PRR30: variants seen among roughly 807,000 people sequenced by gnomAD.
The protein encoded by PRR30 is proline rich 30.
For missense variants in PRR30, 546 were observed against 525.3 expected, an observed-to-expected ratio of 1.04 and a Z score of -0.39; for synonymous variants, 229 against 222.7, an observed-to-expected ratio of 1.03 and a Z score of -0.25.
At position 27,138,147 on chromosome 2, in the gene PRR30, G is replaced by C; in HGVS notation, c.183C>G (p.Ser61=). The C allele has an allele frequency of 6.2e-7, 1 of 1,613,992 alleles. No homozygotes were observed. Among genetic ancestry groups the C allele is most frequent in the Non-Finnish European group, 8.5e-7 (1 of 1,179,988 alleles). ...CAGGAGAGGGGGATGCTGGTGGAGG[G>C]GAGGAGGGACGACGGGACTGAGTGG... ...FSSTQSRRPS[S]PPPASPSPGF... The change falls in exon 3 of 3, where the codon TCC becomes TCG. Residue 61 remains serine, a synonymous_variant. Transcript: ENST00000335524.
Position 27,138,263 on chromosome 2 carries a change from C to A in PRR30, c.67G>T (p.Gly23Cys). Reference protein sequence around the residue: ...TSVLPGRPTWGFSQLVDSSPH... With the variant: ...TSVLPGRPTWCFSQLVDSSPH... ...GAGGAGTCCACAAGTTGTGAGAAGC[C>A]CCAAGTGGGGCGCCCAGGGAGCACT... The change falls in exon 3 of 3, where the codon GGC becomes TGC. Residue 23 changes from glycine (G) to cysteine (C), a missense_variant. Coordinates refer to ENST00000335524, the MANE Select transcript of PRR30 (RefSeq NM_178553.4). 1 of 1,613,492 alleles carries A rather than the reference C, an allele frequency of 6.2e-7. No homozygotes were observed. Among genetic ancestry groups the A allele is most frequent in the East Asian group, 2.2e-5 (1 of 44,868 alleles).
Position 27,138,641 on chromosome 2 carries a change from G to T in PRR30, c.-312C>A. 1 of 357,516 alleles carries T rather than the reference G, an allele frequency of 2.8e-6. No individual in the cohort carries two copies. Among genetic ancestry groups the T allele is most frequent in the Admixed American group, 4.4e-5 (1 of 22,986 alleles). 22.1% of individuals were successfully genotyped at this position (357,516 alleles called of 1,614,324 possible). A position where few individuals can be genotyped will look rare whatever the true frequency, so the allele number is the denominator to read the frequency against. On this transcript the variant is annotated 5_prime_UTR_variant, in exon 3 of 3. Coordinates refer to ENST00000335524, the MANE Select transcript of PRR30 (RefSeq NM_178553.4). Reference sequence around the variant, plus strand: ...ATCACAGCTGCATCTTGGGAGTGGAGGGGCAGCAGCGATTATCTGGGTGGG... The same window carrying T: ...ATCACAGCTGCATCTTGGGAGTGGATGGGCAGCAGCGATTATCTGGGTGGG...
At position 27,138,648 on chromosome 2, in the gene PRR30, CAGCGATTATCTGGGTGGGGCAGA is replaced by C. The variant is rs1053627335; in HGVS notation, c.-342_-320del. The C allele has an allele frequency of 3.8e-5, 13 of 338,274 alleles. No homozygotes were observed. The highest frequency in any genetic ancestry group is 8.9e-4 in the Middle Eastern group (1 of 1,124). The allele number at this position is 338,274 out of a possible 1,614,324, so 21.0% of individuals were successfully genotyped here. On this transcript the variant is annotated 5_prime_UTR_variant, in exon 3 of 3. The change abolishes the stop of an existing upstream ORF in the 5' untranslated region. Transcript: ENST00000335524. The stretch of plus-strand genomic sequence containing the variant: ...CTGCATCTTGGGAGTGGAGGGGCAG[CAGCGATTATCTGGGTGGGGCAGA>C]GAGGAAGACAAAGCCCATAGGACCT...
Position 27,138,276 on chromosome 2 carries a change from C to T in PRR30, c.54G>A (p.Gly18=). The change falls in exon 3 of 3, where the codon GGG becomes GGA. Residue 18 remains glycine (G), a synonymous_variant. Coordinates refer to ENST00000335524, the MANE Select transcript of PRR30 (RefSeq NM_178553.4). ...QVLPQTSVLP[G]RPTWGFSQLV... ...GTTGTGAGAAGCCCCAAGTGGGGCG[C>T]CCAGGGAGCACTGAGGTCTGTGGCA... 1 of 1,612,980 alleles carries T rather than the reference C, an allele frequency of 6.2e-7. No individual in the cohort carries two copies. Among genetic ancestry groups the T allele is most frequent in the African/African-American group, 1.3e-5 (1 of 74,996 alleles).
chr2:27,136,995 C>G lies in PRR30; in HGVS notation c.*96G>C. On this transcript the variant is annotated 3_prime_UTR_variant, in exon 3 of 3. Coordinates refer to ENST00000335524, the MANE Select transcript of PRR30 (RefSeq NM_178553.4). ...CACACCTGACCTCCGGCCAGCCAGC[C>G]CTTCAGGGTGTCTCGGGGACTCCCC... 6.8e-7 allele frequency: 1 copy of G among 1,475,074 alleles called. No individual in the cohort carries two copies. The highest frequency in any genetic ancestry group is 9.0e-7 in the Non-Finnish European group (1 of 1,110,498). 91.4% of individuals were successfully genotyped at this position (1,475,074 alleles called of 1,614,324 possible).
chr2:27,137,553 G>C lies in PRR30; in HGVS notation c.777C>G (p.Arg259=), dbSNP rs1255262392. 1.9e-6 allele frequency: 3 copies of C among 1,588,570 alleles called. No individual in the cohort carries two copies. The highest frequency in any genetic ancestry group is 2.7e-5 in the African/African-American group (2 of 74,436). ...YPICLVCLRP[R]SPSCPLPRYR... ...ACCTGGGGAGGGGGCAGGAGGGGCT[G>C]CGGGGCCGGAGGCACACCAGGCATA... Residue 259 remains arginine (R), a synonymous_variant, in exon 3 of 3, where the codon CGC becomes CGG. Coordinates refer to ENST00000335524, the MANE Select transcript of PRR30 (RefSeq NM_178553.4). This position sits in a 1 kb window ranked among gnomAD's most constrained non-coding sequence, Gnocchi z 4.3.
Position 27,137,299 on chromosome 2 carries a change from T to C in PRR30, c.1031A>G (p.Gln344Arg). The C allele has an allele frequency of 6.2e-7, 1 of 1,614,194 alleles. No homozygotes were observed. Among genetic ancestry groups the C allele is most frequent in the South Asian group, 1.1e-5 (1 of 91,088 alleles). The change falls in exon 3 of 3, where the codon CAG becomes CGG. Residue 344 changes from glutamine (Q) to arginine (R), a missense_variant. By Grantham distance (43) the Gln-to-Arg change is conservative. Transcript: ENST00000335524. This position sits in a 1 kb window ranked among gnomAD's most constrained non-coding sequence, Gnocchi z 4.3. ...QLPASQPPAA[Q>R]ARADPVPGTP... Reference sequence around the variant, plus strand: ...GCCTGGGACTGGGTCGGCCCGGGCCTGAGCTGCTGGAGGCTGAGATGCTGG... The same window carrying C: ...GCCTGGGACTGGGTCGGCCCGGGCCCGAGCTGCTGGAGGCTGAGATGCTGG...
Position 27,137,646 on chromosome 2 carries a change from C to T in PRR30, c.684G>A (p.Leu228=), listed in dbSNP as rs1672538941. Residue 228 remains leucine (L), a synonymous_variant, in exon 3 of 3, where the codon CTG becomes CTA. Coordinates refer to ENST00000335524, the MANE Select transcript of PRR30 (RefSeq NM_178553.4). This position sits in a 1 kb window ranked among gnomAD's most constrained non-coding sequence, Gnocchi z 4.3. Reference sequence around the variant, plus strand: ...ACAGGTGCTGCAAAAGCAGTAGCCGCAGGTCGTGTGCGATGCGGCGGTGCC... The same window carrying T: ...ACAGGTGCTGCAAAAGCAGTAGCCGTAGGTCGTGTGCGATGCGGCGGTGCC... ...QLGHRRIAHD[L]RLLLLQHLWL... 6.2e-7 allele frequency: 1 copy of T among 1,612,866 alleles called. No homozygotes were observed. The highest frequency in any genetic ancestry group is 8.5e-7 in the Non-Finnish European group (1 of 1,179,860).
chr2:27,138,497 G>A lies in PRR30; in HGVS notation c.-168C>T. On this transcript the variant is annotated 5_prime_UTR_variant, in exon 3 of 3. Transcript: ENST00000335524. ...GGTGCAGGTGCTGGTGGCAGGCCAA[G>A]GGGATACCCAGCCCTCCAGCACCAG... The A allele has an allele frequency of 4.4e-6, 6 of 1,364,914 alleles. No individual in the cohort carries two copies. The highest frequency in any genetic ancestry group is 5.8e-6 in the Non-Finnish European group (6 of 1,029,942). The allele number at this position is 1,364,914 out of a possible 1,614,324, so 84.6% of individuals were successfully genotyped here. A position where few individuals can be genotyped will look rare whatever the true frequency, so the allele number is the denominator to read the frequency against.
Position 27,137,593 on chromosome 2 carries a change from A to G in PRR30, c.737T>C (p.Val246Ala). 1.9e-6 allele frequency: 3 copies of G among 1,607,666 alleles called. No individual in the cohort carries two copies. Among genetic ancestry groups the G allele is most frequent in the Non-Finnish European group, 2.5e-6 (3 of 1,177,074 alleles). ...CACCAGGCATATAGGATACTCCACG[A>G]CTGGGGCCTGGCCGGTTCTGCCTAG... ...LWLGRTGQAP[V>A]VEYPICLVCL... Residue 246 changes from valine (V) to alanine (A), a missense_variant, in exon 3 of 3, where the codon GTC becomes GCC. Coordinates refer to ENST00000335524, the MANE Select transcript of PRR30 (RefSeq NM_178553.4). The surrounding 1 kb of genome is among the most constrained non-coding windows in gnomAD (Gnocchi z 4.3).
Position 27,137,629 on chromosome 2 carries a change from T to C in PRR30, c.701A>G (p.Gln234Arg). The C allele has an allele frequency of 6.2e-7, 1 of 1,612,414 alleles. No homozygotes were observed. The highest frequency in any genetic ancestry group is 1.1e-5 in the South Asian group (1 of 91,028). Residue 234 changes from glutamine to arginine, a missense_variant, in exon 3 of 3, where the codon CAG becomes CGG. Coordinates refer to ENST00000335524, the MANE Select transcript of PRR30 (RefSeq NM_178553.4). This position sits in a 1 kb window ranked among gnomAD's most constrained non-coding sequence, Gnocchi z 4.3. ...GCCGGTTCTGCCTAGCCACAGGTGC[T>C]GCAAAAGCAGTAGCCGCAGGTCGTG... The part of the protein sequence containing the change: ...IAHDLRLLLL[Q>R]HLWLGRTGQA...
In PRR30 at chr2:27,137,666, G is replaced by A. The variant is rs3739097; in HGVS notation, c.664C>T (p.Arg222Cys). 3.6e-3 allele frequency: 5,767 copies of A among 1,613,084 alleles called. 211 individuals carry two copies. The East Asian group carries it at 0.091, about 25-fold the overall frequency. ...AGCCGCAGGTCGTGTGCGATGCGGC[G>A]GTGCCCCAGCTGGACCACCAGGGCC... ...AQALVVQLGH[R>C]RIAHDLRLLL... Residue 222 changes from arginine to cysteine, a missense_variant, in exon 3 of 3, where the codon CGC (arginine) becomes TGC (cysteine). Coordinates refer to ENST00000335524, the MANE Select transcript of PRR30 (RefSeq NM_178553.4). This position sits in a 1 kb window ranked among gnomAD's most constrained non-coding sequence, Gnocchi z 4.3.
Position 27,137,060 on chromosome 2 carries a change from G to A in PRR30, c.*31C>T, listed in dbSNP as rs755625236. The stretch of plus-strand genomic sequence containing the variant: ...GGTTGGGAGGGTTGGGTTTGGAGGG[G>A]GTGTTCCAGGGGGCCTCCGTGGCTC... On this transcript the variant is annotated 3_prime_UTR_variant, in exon 3 of 3. Transcript: ENST00000335524. The surrounding 1 kb of genome is among the most constrained non-coding windows in gnomAD (Gnocchi z 4.3). 12 of 1,602,206 alleles carry A rather than the reference G, an allele frequency of 7.5e-6. No homozygotes were observed. The highest frequency in any genetic ancestry group is 1.0e-5 in the Non-Finnish European group (12 of 1,172,396).
At position 27,138,205 on chromosome 2, in the gene PRR30, T is replaced by C; in HGVS notation, c.125A>G (p.Gln42Arg). The stretch of plus-strand genomic sequence containing the variant: ...CGGTGGTTGAGAGGGAGGGAGGCCC[T>C]GATGGGGAGAGAGAGGCTGTAGGTT... ...PHNLQPLSPH[Q>R]GLPPSQPPFS... The change falls in exon 3 of 3, where the codon CAG (glutamine) becomes CGG (arginine). Residue 42 changes from glutamine to arginine, a missense_variant. By Grantham distance (43) the Gln-to-Arg change is conservative (BLOSUM62 1). Coordinates refer to ENST00000335524, the MANE Select transcript of PRR30 (RefSeq NM_178553.4). The C allele has an allele frequency of 6.2e-7, 1 of 1,613,616 alleles. No homozygotes were observed. The highest frequency in any genetic ancestry group is 1.7e-5 in the Admixed American group (1 of 59,948).
Position 27,138,393 on chromosome 2 carries a change from A to C in PRR30, c.-64T>G. On this transcript the variant is annotated 5_prime_UTR_variant, in exon 3 of 3. Transcript: ENST00000335524. ...GGATAAGAGACCTGGCAGAGTCAGG[A>C]CCAGTATCTCTGAGGTCAGCTGTGC... 3.3e-6 allele frequency: 5 copies of C among 1,525,818 alleles called. No homozygotes were observed. Among genetic ancestry groups the C allele is most frequent in the African/African-American group, 1.4e-5 (1 of 72,026 alleles). The allele number at this position is 1,525,818 out of a possible 1,614,324, so 94.5% of individuals were successfully genotyped here. A position where few individuals can be genotyped will look rare whatever the true frequency, so the allele number is the denominator to read the frequency against.
In PRR30 at chr2:27,137,225, T is replaced by C; in HGVS notation, c.1105A>G (p.Asn369Asp). Reference sequence around the variant, plus strand: ...GGCCCGGAGAAACATCGTGGGGAGTTTGGTGATTGAAGGCCTGCAGACCTG... The same window carrying C: ...GGCCCGGAGAAACATCGTGGGGAGTCTGGTGATTGAAGGCCTGCAGACCTG... ...SFRSAGLQSP[N>D]SPRCFSGPPP... Residue 369 changes from asparagine (N) to aspartate (D), a missense_variant, in exon 3 of 3, where the codon AAC (asparagine) becomes GAC (aspartate). Asn to Asp is a conservative substitution (Grantham distance 23). Coordinates refer to ENST00000335524, the MANE Select transcript of PRR30 (RefSeq NM_178553.4). The surrounding 1 kb of genome is among the most constrained non-coding windows in gnomAD (Gnocchi z 4.3). 1 of 1,613,834 alleles carries C rather than the reference T, an allele frequency of 6.2e-7. No individual in the cohort carries two copies. The highest frequency in any genetic ancestry group is 8.5e-7 in the Non-Finnish European group (1 of 1,179,924).
At position 27,137,215 on chromosome 2, in the gene PRR30, C is replaced by T. The variant is rs762496882; in HGVS notation, c.1115G>A (p.Arg372Gln). 22 of 1,614,042 alleles carry T rather than the reference C, an allele frequency of 1.4e-5. No homozygotes were observed. The highest frequency in any genetic ancestry group is 1.0e-4 in the Admixed American group (6 of 60,014). The stretch of plus-strand genomic sequence containing the variant: ...CCGAGGTGGAGGCCCGGAGAAACAT[C>T]GTGGGGAGTTTGGTGATTGAAGGCC... ...SAGLQSPNSP[R>Q]CFSGPPPRAP... Residue 372 changes from arginine (R) to glutamine (Q), a missense_variant, in exon 3 of 3, where the codon CGA becomes CAA. Coordinates refer to ENST00000335524, the MANE Select transcript of PRR30 (RefSeq NM_178553.4). This position sits in a 1 kb window ranked among gnomAD's most constrained non-coding sequence, Gnocchi z 4.3.
chr2:27,137,201 G>A lies in PRR30; in HGVS notation c.1129C>T (p.Pro377Ser). ...SPNSPRCFSG[P>S]PPRAPKQVTT... ...ACCTGTTTTGGTGCCCGAGGTGGAG[G>A]CCCGGAGAAACATCGTGGGGAGTTT... is the stretch of plus-strand genomic sequence containing the variant. Residue 377 changes from proline to serine, a missense_variant, in exon 3 of 3, where the codon CCT becomes TCT. Transcript: ENST00000335524. This position sits in a 1 kb window ranked among gnomAD's most constrained non-coding sequence, Gnocchi z 4.3. The A allele has an allele frequency of 6.2e-7, 1 of 1,614,190 alleles. No homozygotes were observed. Among genetic ancestry groups the A allele is most frequent in the East Asian group, 2.2e-5 (1 of 44,878 alleles).
At position 27,137,000 on chromosome 2, in the gene PRR30, AGG is replaced by A; in HGVS notation, c.*89_*90del. The A allele has an allele frequency of 6.7e-7, 1 of 1,485,928 alleles. No homozygotes were observed. The allele number at this position is 1,485,928 out of a possible 1,614,324, so 92.0% of individuals were successfully genotyped here. A position where few individuals can be genotyped will look rare whatever the true frequency, so the allele number is the denominator to read the frequency against. ...CTGACCTCCGGCCAGCCAGCCCTTC[AGG>A]GTGTCTCGGGGACTCCCCGAGATCT... On this transcript the variant is annotated 3_prime_UTR_variant, in exon 3 of 3. Transcript: ENST00000335524.
Sources: gnomAD v4.1 joint callset for allele counts on GRCh38, gnomAD v4.1.1 for gene constraint, Gnocchi (gnomAD v3.1) non-coding constraint, MANE v1.5 for transcripts, NCBI Gene and HGNC (gene_info 2026-07-23, HGNC 2026-07-21) for gene names.